Variants in DNER observed in about 807,000 individuals in gnomAD.
DNER encodes delta and Notch-like epidermal growth factor-related receptor.
Under a neutral mutation model 78.2 loss-of-function variants are expected in DNER, and 33 were observed. That is an observed-to-expected ratio of 0.42 (90% CI 0.32 to 0.56). The LOEUF is 0.56. DNER is among the 20% of genes least tolerant of loss of function. DNER has a pLI of 0.11. For synonymous variants in DNER, 417 were observed against 384.8 expected (o/e 1.08, Z -0.98); for missense variants, 918 against 975.3 (o/e 0.94, Z 0.78).
chr2:229,498,054 T>C (rs144427375), intron 6 of DNER, among the ~76,000 whole-genome samples: 2 of 152,182 alleles, frequency 1.3e-5, no homozygotes, highest in Admixed American at 6.5e-5. Context: ...CTGAATTTAA[T>C]ACCATATTAA....
At chr2:229,547,357 C>A (rs143811111) in intron 4 of DNER, among the ~76,000 whole-genome samples, 1 of 152,210 alleles carries the variant, frequency 6.6e-6, no homozygotes, top group Non-Finnish European at 1.5e-5. Flanking sequence ...GGCACTTGAG[C>A]AACCACCTCA....
At chr2:229,497,678 T>C (rs1320929528) in intron 6 of DNER, among the ~76,000 whole-genome samples, 1 of 151,916 alleles carries the variant, frequency 6.6e-6, no homozygotes, top group Non-Finnish European at 1.5e-5. Flanking sequence ...TCTAATACTA[T>C]AACCAGTAAT....
chr2:229,489,619 G>T (rs931705146), intron 6 of DNER, among the ~76,000 whole-genome samples: 1 of 152,022 alleles, frequency 6.6e-6, no homozygotes, highest in African/African-American at 2.4e-5. Context: ...TGAGGTGAAA[G>T]GCTGGGCTAG....
chr2:229,521,711 G>A (rs1696102126), intron 5 of DNER, among the ~76,000 whole-genome samples: 1 of 152,140 alleles, frequency 6.6e-6, no homozygotes, highest in Non-Finnish European at 1.5e-5. Flanking sequence ...GAGACTACCT[G>A]AGAATTCCAT....
At position 229,501,070 on chromosome 2, in the gene DNER, G is replaced by A. The variant is rs141982332; in HGVS notation, c.1147+11713C>T. Among the ~76,000 whole-genome samples the A allele has an allele frequency of 4.2e-3, 643 of 152,186 alleles. 7 individuals are homozygous for A. Among genetic ancestry groups the A allele is most frequent in the Non-Finnish European group, 4.7e-3 (317 of 68,022 alleles). On this transcript the variant is annotated intron_variant, in intron 6 of 12. Transcript: ENST00000341772. The stretch of plus-strand genomic sequence containing the variant: ...AAATGCTGTGTGATACCACCTATAT[G>A]ATGACTCTCAAATAGGCAAACTCAT...
At chr2:229,442,702 T>C (rs6718937) in intron 8 of DNER, among the ~76,000 whole-genome samples, 59,544 of 152,030 alleles carry the variant, frequency 0.39, 14,285 homozygotes, top group Non-Finnish European at 0.54. Flanking sequence ...ATTAAAATCC[T>C]GACCATTAAG....
At chr2:229,463,588 T>A (rs36091574) in intron 7 of DNER, among the ~76,000 whole-genome samples, 58,238 of 151,618 alleles carry the variant, frequency 0.38, 12,986 homozygotes, top group African/African-American at 0.63. Flanking sequence ...TTACAAGCAC[T>A]TCCACCACAT....
intron 9 of DNER, among the ~76,000 whole-genome samples, chr2:229,412,189 G>A (rs1693537956): frequency 1.3e-5 from 2 of 152,270 alleles, no homozygotes; most frequent in South Asian, 2.1e-4. Context: ...AACCAGGCTT[G>A]AACTAGTTTT....
intron 5 of DNER, among the ~76,000 whole-genome samples, chr2:229,533,685 T>C (rs1271598519): frequency 6.6e-6 from 1 of 152,136 alleles, no homozygotes; most frequent in African/African-American, 2.4e-5. Context: ...AGGTCGTCCA[T>C]TTTTCATGGA....
Position 229,547,047 on chromosome 2 carries a change from A to C in DNER, c.893T>G (p.Leu298Ter). The stretch of plus-strand genomic sequence containing the variant: ...GGTGCTGACCTTCACCACCAGAGTT[A>C]AGCGCAAAGCCACAATAGACTTAGT... ...SVTKSIVALR[L>*]TLVVKVSTCV... The change falls in exon 5 of 13, where the codon TTA becomes TGA. Residue 298 changes from leucine (L) to a stop codon, truncating the protein, a stop_gained. Coordinates refer to ENST00000341772, the MANE Select transcript of DNER (RefSeq NM_139072.4). LOFTEE classifies it high-confidence loss of function. 6.2e-7 allele frequency: 1 copy of C among 1,614,170 alleles called. No individual in the cohort carries two copies. The highest frequency in any genetic ancestry group is 2.2e-5 in the East Asian group (1 of 44,882).
intron 4 of DNER, among the ~76,000 whole-genome samples, chr2:229,558,694 T>C (rs1198204471): frequency 1.3e-5 from 2 of 152,086 alleles, no homozygotes; most frequent in Non-Finnish European, 2.9e-5. Flanking sequence ...GAGAGCAGTG[T>C]AGGATGGAGG....
At chr2:229,463,935 G>T (rs1694752346) in intron 7 of DNER, among the ~76,000 whole-genome samples, 1 of 152,192 alleles carries the variant, frequency 6.6e-6, no homozygotes, top group African/African-American at 2.4e-5. Context: ...TGGCAGGAAG[G>T]GTTGAAAGAC....
chr2:229,673,562 A>G (rs915719105), intron 1 of DNER, among the ~76,000 whole-genome samples: 6 of 152,158 alleles, frequency 3.9e-5, no homozygotes, highest in African/African-American at 1.4e-4. Flanking sequence ...GTCCCCAGAT[A>G]CACTGCCTGT....
intron 7 of DNER, among the ~76,000 whole-genome samples, chr2:229,464,837 G>A (rs138385659): frequency 6.6e-6 from 1 of 152,138 alleles, no homozygotes; most frequent in Admixed American, 6.5e-5. Flanking sequence ...CTATGAAGAA[G>A]GGTACAGGGT....
intron 4 of DNER, among the ~76,000 whole-genome samples, chr2:229,573,981 A>T (rs1046143732): frequency 6.6e-6 from 1 of 152,172 alleles, no homozygotes; most frequent in African/African-American, 2.4e-5. Flanking sequence ...TTTTCTGAAA[A>T]CTGTTAATGA....
intron 7 of DNER, among the ~76,000 whole-genome samples, chr2:229,452,474 C>T (rs1251747484): frequency 2.0e-5 from 3 of 152,024 alleles, no homozygotes; most frequent in East Asian, 3.9e-4. Context: ...CTGTGGCAAA[C>T]GGGAGAAAGC....
chr2:229,378,837 A>G (rs1692668593), intron 11 of DNER, among the ~76,000 whole-genome samples: 1 of 152,074 alleles, frequency 6.6e-6, no homozygotes, highest in Admixed American at 6.5e-5. Flanking sequence ...TGCACTCTGG[A>G]TCCTCAGATC....
chr2:229,393,417 C>T (rs1232043099), intron 10 of DNER, among the ~76,000 whole-genome samples: 4 of 151,240 alleles, frequency 2.6e-5, no homozygotes, highest in Non-Finnish European at 1.5e-5. Context: ...CAGAGTGAGA[C>T]TCCGTCTCAA....
chr2:229,443,571 G>A (rs966217495), intron 8 of DNER, among the ~76,000 whole-genome samples: 13 of 152,180 alleles, frequency 8.5e-5, no homozygotes, highest in Non-Finnish European at 1.6e-4. Flanking sequence ...AGCCCGAAAA[G>A]CTACAAACGA....
Sources: gnomAD v4.1 joint callset for allele counts (sites outside exome capture counted in the v4.1 genomes callset) on GRCh38, gnomAD v4.1.1 for gene constraint, MANE v1.5 for transcripts, NCBI Gene and HGNC (gene_info 2026-07-23, HGNC 2026-07-21) for gene names.